The following FMNL2 variants were observed in gnomAD, a reference collection of about 807,000 sequenced individuals.
The protein encoded by FMNL2 is formin like 2.
FMNL2 carries 51 observed loss-of-function variants against 130.2 expected under a neutral mutation model. That is an observed-to-expected ratio of 0.39 (90% CI 0.31 to 0.49). The LOEUF (loss-of-function observed/expected upper bound fraction) is 0.49, where lower values mean the gene tolerates loss of function less well. Ranked by LOEUF, FMNL2 falls within the 20% of genes least tolerant of loss-of-function variation. The probability of loss-of-function intolerance (pLI) is 0.85; values close to 1 mark genes in which losing one functional copy is unlikely to be tolerated. For missense variants in FMNL2, 977 were observed against 1,316.2 expected (o/e 0.74, Z 3.99); for synonymous variants, 465 against 467.1 (o/e 1.00, Z 0.06).
In FMNL2 at chr2:152,647,954, C is replaced by A; in HGVS notation, c.*49C>A. ...ACAGGGTGTGCGTGAATGAAACTGC[C>A]CACATGAACTTTATGTGCTACGATT... On this transcript the variant is annotated 3_prime_UTR_variant, in exon 26 of 26. Transcript: ENST00000288670. 2 of 1,431,122 alleles carry A rather than the reference C, an allele frequency of 1.4e-6. No individual in the cohort carries two copies. Among genetic ancestry groups the A allele is most frequent in the Admixed American group, 2.0e-5 (1 of 50,562 alleles). 88.7% of individuals were successfully genotyped at this position (1,431,122 alleles called of 1,614,324 possible). A position where few individuals can be genotyped will look rare whatever the true frequency, so the allele number is the denominator to read the frequency against.
intron 1 of FMNL2, among the ~76,000 whole-genome samples, chr2:152,338,834 C>CACACACACACACACACACACAT (rs1553862424): frequency 2.5e-4 from 38 of 150,308 alleles, no homozygotes; most frequent in African/African-American, 8.6e-4. Context: ...CACACACACA[C>CACACACACACACACACACACAT]ACACACACAC....
chr2:152,518,546 G>T (rs1416309602), intron 1 of FMNL2, among the ~76,000 whole-genome samples: 2 of 152,084 alleles, frequency 1.3e-5, no homozygotes, highest in Admixed American at 6.5e-5. Context: ...CCTAAACAGG[G>T]TCATTTATAA....
chr2:152,429,257 A>G (rs1409304924), intron 1 of FMNL2, among the ~76,000 whole-genome samples: 1 of 152,014 alleles, frequency 6.6e-6, no homozygotes, highest in East Asian at 1.9e-4. Context: ...TTAAAGCTGA[A>G]GACAGCACGC....
At chr2:152,385,206 A>G (rs947925656) in intron 1 of FMNL2, among the ~76,000 whole-genome samples, 49 of 152,204 alleles carry the variant, frequency 3.2e-4, no homozygotes, top group African/African-American at 1.2e-3. Flanking sequence ...AAAAGAACAC[A>G]AGTGCCCAAG....
rs775905255 is a variant in FMNL2, at chr2:152,628,342, A to G, written c.2209A>G (p.Met737Val). ...GCCTGTGGACTTTGTGGAATGCTTG[A>G]TGCGGTTCCTACCAACTGAGAATGA... ...TLPVDFVECL[M>V]RFLPTENEVK... Residue 737 changes from methionine (M) to valine (V), a missense_variant, in exon 18 of 26, where the codon ATG becomes GTG. By Grantham distance (21) the Met-to-Val change is conservative. This residue lies in a region of FMNL2 where 689 missense variants were observed against 995.9 expected (regional missense o/e 0.69). Coordinates refer to ENST00000288670, the MANE Select transcript of FMNL2 (RefSeq NM_052905.4). 6.2e-7 allele frequency: 1 copy of G among 1,614,058 alleles called. No individual in the cohort carries two copies. The highest frequency in any genetic ancestry group is 8.5e-7 in the Non-Finnish European group (1 of 1,179,892).
rs201832439 is a variant in FMNL2 at position 152,349,208 on chromosome 2, GTGAAGTTTGTGATCCAGTCC to G, written c.117+13490_117+13509del. On this transcript the variant is annotated intron_variant, in intron 1 of 25. Coordinates refer to ENST00000288670, the MANE Select transcript of FMNL2 (RefSeq NM_052905.4). ...TGGCTTGAAGTTATATAAGAAGGTG[GTGAAGTTTGTGATCCAGTCC>G]TAGGTCTTCATACTAAAACTCCGGG... 3.9e-3 allele frequency among the ~76,000 whole-genome samples: 598 copies of G among 152,318 alleles called. 23 individuals are homozygous for G. In the East Asian group the frequency reaches 0.093, roughly 24 times the overall value.
chr2:152,460,603 G>A (rs141937524), intron 1 of FMNL2, among the ~76,000 whole-genome samples: 3 of 152,322 alleles, frequency 2.0e-5, no homozygotes, highest in Admixed American at 6.5e-5. Flanking sequence ...GAACCAGGCC[G>A]CACAAGGGGC....
intron 9 of FMNL2, among the ~76,000 whole-genome samples, chr2:152,588,061 G>C (rs1007762655): frequency 2.6e-5 from 4 of 152,212 alleles, no homozygotes; most frequent in African/African-American, 9.6e-5. Flanking sequence ...GGTTAACCAG[G>C]TGTATTCCTT....
In FMNL2 at chr2:152,461,358, T is replaced by C. The variant is rs530216757; in HGVS notation, c.118-60585T>C. ...AAAGATTACTAGTGAGATATTTTAC[T>C]TTTTTTTAAACATATGAAGTCTTTG... On this transcript the variant is annotated intron_variant, in intron 1 of 25. Coordinates refer to ENST00000288670, the MANE Select transcript of FMNL2 (RefSeq NM_052905.4). Among the ~76,000 whole-genome samples, 268 of 119,146 alleles carry C rather than the reference T, an allele frequency of 2.2e-3. 2 individuals are homozygous for C. The highest frequency in any genetic ancestry group is 0.01 in the African/African-American group (249 of 24,310). The allele number at this position is 119,146 out of a possible 152,430, so 78.2% of individuals were successfully genotyped here. A position where few individuals can be genotyped will look rare whatever the true frequency, so the allele number is the denominator to read the frequency against.
intron 1 of FMNL2, among the ~76,000 whole-genome samples, chr2:152,458,380 A>T (rs1365623554): frequency 1.3e-5 from 2 of 152,112 alleles, no homozygotes; most frequent in African/African-American, 4.8e-5. Flanking sequence ...TTCTGGTTGG[A>T]TGTGTTTACT....
chr2:152,477,130 C>T (rs1690198086), intron 1 of FMNL2, among the ~76,000 whole-genome samples: 1 of 152,038 alleles, frequency 6.6e-6, no homozygotes, highest in South Asian at 2.1e-4. Context: ...TGGAACCTCC[C>T]TATTTGGAAA....
At chr2:152,355,823 G>A (rs976660420) in intron 1 of FMNL2, among the ~76,000 whole-genome samples, 1 of 152,120 alleles carries the variant, frequency 6.6e-6, no homozygotes, top group Non-Finnish European at 1.5e-5. Flanking sequence ...CTACTGAGTG[G>A]TAGTTCTAAT....
intron 1 of FMNL2, among the ~76,000 whole-genome samples, chr2:152,336,097 C>A (rs1422821935): frequency 1.6e-5 from 2 of 126,276 alleles, no homozygotes. Flanking sequence ...TTAAAAAAAA[C>A]AAAACAAAAC....
chr2:152,481,881 G>A (rs1159130671), intron 1 of FMNL2, among the ~76,000 whole-genome samples: 1 of 152,164 alleles, frequency 6.6e-6, no homozygotes, highest in Non-Finnish European at 1.5e-5. Context: ...ATGCTAGCCT[G>A]GGGATAACTA....
At chr2:152,576,463 C>T (rs1446296017) in intron 7 of FMNL2, among the ~76,000 whole-genome samples, 1 of 152,156 alleles carries the variant, frequency 6.6e-6, no homozygotes, top group Non-Finnish European at 1.5e-5. Flanking sequence ...TTTTAAACCT[C>T]TTAAGTCATG....
intron 1 of FMNL2, among the ~76,000 whole-genome samples, chr2:152,437,540 C>T (rs1327503745): frequency 6.6e-6 from 1 of 152,178 alleles, no homozygotes; most frequent in Non-Finnish European, 1.5e-5. Context: ...CACTTCTGAC[C>T]TGCGGCAGAT....
intron 1 of FMNL2, among the ~76,000 whole-genome samples, chr2:152,373,240 A>G (rs1223393866): frequency 6.6e-6 from 1 of 152,236 alleles, no homozygotes; most frequent in African/African-American, 2.4e-5. Context: ...GATTTTAAGA[A>G]TCAGTTTTTT....
intron 1 of FMNL2, among the ~76,000 whole-genome samples, chr2:152,369,272 A>C (rs532732649): frequency 6.6e-6 from 1 of 152,364 alleles, no homozygotes; most frequent in African/African-American, 2.4e-5. Flanking sequence ...ATTGCTTCCT[A>C]TCACATTTAC....
intron 1 of FMNL2, among the ~76,000 whole-genome samples, chr2:152,502,749 A>T (rs1178874265): frequency 6.6e-6 from 1 of 152,170 alleles, no homozygotes; most frequent in Non-Finnish European, 1.5e-5. Flanking sequence ...TTGTGCGGAG[A>T]GTGGGAGAGG....
Sources: gnomAD v4.1 joint callset for allele counts (sites outside exome capture counted in the v4.1 genomes callset) on GRCh38, gnomAD v4.1.1 for gene constraint, gnomAD v4.1.1 regional missense constraint, MANE v1.5 for transcripts, NCBI Gene and HGNC (gene_info 2026-07-23, HGNC 2026-07-21) for gene names.